PHYKPL: variants seen among roughly 807,000 people sequenced by gnomAD.
PHYKPL encodes 5-phosphohydroxy-L-lysine phospho-lyase.
Under a neutral mutation model 51.3 loss-of-function variants are expected in PHYKPL, and 42 were observed. That is an observed-to-expected ratio of 0.82 (90% CI 0.64 to 1.06). PHYKPL has a LOEUF of 1.06. Ranked by LOEUF, PHYKPL falls within the 50% of genes least tolerant of loss-of-function variation. The pLI is 0.00. For synonymous variants in PHYKPL, 264 were observed against 236.0 expected (o/e 1.12, Z -1.09); for missense variants, 655 against 586.6 (o/e 1.12, Z -1.20).
Position 178,217,558 on chromosome 5 carries a change from G to GA in PHYKPL, c.928-2129dup, listed in dbSNP as rs869086983. On this transcript the variant is annotated intron_variant, in intron 8 of 12. Transcript: ENST00000308158. Reference sequence around the variant, plus strand: ...TAAGCCGGCAGATGAAAGAATCAGTGAAAAAAAAAAAAAAAGTCAGCCGGC... The same window carrying GA: ...TAAGCCGGCAGATGAAAGAATCAGTGAAAAAAAAAAAAAAAAGTCAGCCGGC... Among the ~76,000 whole-genome samples, 187 of 123,742 alleles carry GA rather than the reference G, an allele frequency of 1.5e-3. 1 individual carries two copies. The highest frequency in any genetic ancestry group is 2.9e-3 in the Admixed American group (34 of 11,910). 81.2% of individuals were successfully genotyped at this position (123,742 alleles called of 152,430 possible). A position where few individuals can be genotyped will look rare whatever the true frequency, so the allele number is the denominator to read the frequency against.
chr5:178,217,920 A>G (rs1419119493), intron 8 of PHYKPL, among the ~76,000 whole-genome samples: 1 of 150,306 alleles, frequency 6.7e-6, no homozygotes, highest in African/African-American at 2.4e-5. Flanking sequence ...AAAAAGGAAT[A>G]AAGAAAAACA....
chr5:178,222,050 C>G (rs1761266746), intron 8 of PHYKPL, among the ~76,000 whole-genome samples: 1 of 152,234 alleles, frequency 6.6e-6, no homozygotes, highest in African/African-American at 2.4e-5. Flanking sequence ...AGCTCAAGTT[C>G]CAGCACCTGA....
At chr5:178,228,385 A>C in intron 3 of PHYKPL, 1 of 619,432 alleles carries the variant, frequency 1.6e-6, no homozygotes. Flanking sequence ...GGGACAGAGT[A>C]AGACAATGCA....
Position 178,232,742 on chromosome 5 carries a change from C to T in PHYKPL, c.-192G>A. ...TTCGCTTGCCCACTGGGCCTGGCAG[C>T]CTTCCGGCCCGTGGTCGTGCCTTGG... is the stretch of plus-strand genomic sequence containing the variant. On this transcript the variant is annotated 5_prime_UTR_variant, in exon 1 of 13. Transcript: ENST00000308158. 2 of 556,814 alleles carry T rather than the reference C, an allele frequency of 3.6e-6. No individual in the cohort carries two copies. The highest frequency in any genetic ancestry group is 2.0e-5 in the African/African-American group (1 of 50,252). 34.5% of individuals were successfully genotyped at this position (556,814 alleles called of 1,614,324 possible). A position where few individuals can be genotyped will look rare whatever the true frequency, so the allele number is the denominator to read the frequency against.
At chr5:178,230,124 AC>A (rs2127494645) in intron 2 of PHYKPL, 25 bp from the exon 3 acceptor site, 1 of 1,611,746 alleles carries the variant, frequency 6.2e-7, no homozygotes, top group Admixed American at 1.7e-5. Context: ...CCTCCGTCAC[AC>A]GGCTGGCTCC....
Position 178,215,462 on chromosome 5 carries a change from C to T in PHYKPL, c.928-32G>A, listed in dbSNP as rs775191190. On this transcript the variant is annotated intron_variant, in intron 8 of 12. Coordinates refer to ENST00000308158, the MANE Select transcript of PHYKPL (RefSeq NM_153373.4). ...CAGGGACAAAGAACATGTCAGATGC[C>T]CTGGCAGAGTGGGCCATGCCCCAGA... 53 of 1,587,530 alleles carry T rather than the reference C, an allele frequency of 3.3e-5. No individual in the cohort carries two copies. The Middle Eastern group carries it at 8.6e-4, about 26-fold the overall frequency.
chr5:178,210,982 C>A, intron 12 of PHYKPL: 1 of 253,890 alleles, frequency 3.9e-6, no homozygotes, highest in Non-Finnish European at 7.5e-6. Context: ...TTTTTTTCAC[C>A]TTTTAATTTT....
At chr5:178,227,480 T>C (rs989980872) in intron 3 of PHYKPL, among the ~76,000 whole-genome samples, 20 of 151,952 alleles carry the variant, frequency 1.3e-4, no homozygotes, top group Non-Finnish European at 5.9e-5. Context: ...ATGTACTGAG[T>C]CTTGAGGGAG....
chr5:178,213,614 C>T lies in PHYKPL; in HGVS notation c.1173-511G>A, dbSNP rs118034879. Reference sequence around the variant, plus strand: ...TAGGAAGATGGCTTTATCTTAACATCATTTGTAGCTAATAATCACTTTTAG... The same window carrying T: ...TAGGAAGATGGCTTTATCTTAACATTATTTGTAGCTAATAATCACTTTTAG... On this transcript the variant is annotated intron_variant, in intron 10 of 12. Coordinates refer to ENST00000308158, the MANE Select transcript of PHYKPL (RefSeq NM_153373.4). Among the ~76,000 whole-genome samples the T allele has an allele frequency of 8.8e-3, 1,348 of 152,320 alleles. 46 individuals carry two copies. The highest frequency in any genetic ancestry group is 0.064 in the Admixed American group (977 of 15,298).
intron 8 of PHYKPL, chr5:178,215,959 C>T (rs1208724995): frequency 6.5e-6 from 1 of 152,736 alleles, no homozygotes; most frequent in Non-Finnish European, 1.5e-5. Flanking sequence ...AAGGTGTCTC[C>T]TGCAAACCAC....
chr5:178,230,376 A>C, intron 2 of PHYKPL: 1 of 379,482 alleles, frequency 2.6e-6, no homozygotes, highest in African/African-American at 2.1e-5. Context: ...TTTTTTTTTT[A>C]ACAGGGCCTT....
chr5:178,208,153 C>T (rs1172583048), downstream of PHYKPL, among the ~76,000 whole-genome samples: 1 of 152,140 alleles, frequency 6.6e-6, no homozygotes, highest in African/African-American at 2.4e-5. Flanking sequence ...GTAGTTCAGG[C>T]TTCAAGTTGG....
In PHYKPL at chr5:178,208,784, A is replaced by AG. The variant is rs1757273228; in HGVS notation, c.*162dup. Reference sequence around the variant, plus strand: ...TTATTCCAACAGACCAGTGGTTAGGAGGAGGGGGTGGGTAGCATTATGGCC... The same window carrying AG: ...TTATTCCAACAGACCAGTGGTTAGGAGGGAGGGGGTGGGTAGCATTATGGCC... On this transcript the variant is annotated 3_prime_UTR_variant, in exon 13 of 13. Coordinates refer to ENST00000308158, the MANE Select transcript of PHYKPL (RefSeq NM_153373.4). The AG allele has an allele frequency of 6.5e-6, 1 of 153,454 alleles. No individual in the cohort carries two copies. The highest frequency in any genetic ancestry group is 2.4e-5 in the African/African-American group (1 of 41,444). 9.5% of individuals were successfully genotyped at this position (153,454 alleles called of 1,614,324 possible).
chr5:178,221,475 C>T (rs370454100), intron 8 of PHYKPL, among the ~76,000 whole-genome samples: 3 of 152,090 alleles, frequency 2.0e-5, no homozygotes, highest in African/African-American at 4.8e-5. Flanking sequence ...TGTCTTTCCC[C>T]GACAGTGAGC....
downstream of PHYKPL, among the ~76,000 whole-genome samples, chr5:178,208,183 C>T (rs555157229): frequency 3.0e-4 from 45 of 152,240 alleles, no homozygotes; most frequent in African/African-American, 8.2e-4. Context: ...GTTGAGGGTG[C>T]GGCCTGCAGT....
At chr5:178,212,165 T>A (rs1758655174) in intron 11 of PHYKPL, among the ~76,000 whole-genome samples, 195 bp from the exon 12 acceptor site, 1 of 152,248 alleles carries the variant, frequency 6.6e-6, no homozygotes, top group Admixed American at 6.5e-5. Context: ...CTGAGATTTG[T>A]AGGCTCTGTC....
At chr5:178,218,524 A>G (rs1311309984) in intron 8 of PHYKPL, among the ~76,000 whole-genome samples, 1 of 152,160 alleles carries the variant, frequency 6.6e-6, no homozygotes, top group Non-Finnish European at 1.5e-5. Flanking sequence ...GGGAGTGCTC[A>G]CCCTTTCGAC....
At position 178,231,540 on chromosome 5, in the gene PHYKPL, G is replaced by A. The variant is rs774606088; in HGVS notation, c.60-17C>T. On this transcript the variant is annotated splice_polypyrimidine_tract_variant and intron_variant, in intron 1 of 12. Transcript: ENST00000308158. Reference sequence around the variant, plus strand: ...CAGGAAGAGCTGTGGGGACAGGCAAGGAGTGGACAGCCATGTCTGAAGACC... The same window carrying A: ...CAGGAAGAGCTGTGGGGACAGGCAAAGAGTGGACAGCCATGTCTGAAGACC... 1.2e-5 allele frequency: 20 copies of A among 1,614,108 alleles called. No individual in the cohort carries two copies. Among genetic ancestry groups the A allele is most frequent in the Admixed American group, 1.7e-5 (1 of 60,024 alleles).
intron 8 of PHYKPL, among the ~76,000 whole-genome samples, chr5:178,221,391 T>C (rs1416360474): frequency 6.6e-6 from 1 of 152,080 alleles, no homozygotes; most frequent in Non-Finnish European, 1.5e-5. Flanking sequence ...GGATGTCCTT[T>C]GTGCTCTCAC....
Sources: gnomAD v4.1 joint callset for allele counts (sites outside exome capture counted in the v4.1 genomes callset) on GRCh38, gnomAD v4.1.1 for gene constraint, MANE v1.5 for transcripts, NCBI Gene and HGNC (gene_info 2026-07-23, HGNC 2026-07-21) for gene names.